Variants in LDAF1 observed in about 807,000 individuals in gnomAD.
LDAF1 encodes lipid droplet assembly factor 1, also known as PROMETHIN.
A neutral mutation model predicts 13.5 loss-of-function variants in LDAF1; 7 were observed. The observed-to-expected ratio is 0.52, with a 90% CI of 0.29 to 0.97. LDAF1 has a LOEUF of 0.97. Ranked by LOEUF, LDAF1 falls within the 50% of genes least tolerant of loss-of-function variation. The pLI, the probability that LDAF1 is intolerant of heterozygous loss-of-function variation, is 0.07. For synonymous variants in LDAF1, 69 were observed against 77.1 expected, an observed-to-expected ratio of 0.89 and a Z score of 0.55; for missense variants, 148 against 193.2, an observed-to-expected ratio of 0.77 and a Z score of 1.39.
In LDAF1 at chr16:21,179,470, G is replaced by A. The variant is rs143013789; in HGVS notation, c.405-5G>A. ...AGCTAACGATCTCTTCTTGTTATCC[G>A]ACAGGCCACTGACACAGCAAAACAC... On this transcript the variant is annotated splice_polypyrimidine_tract_variant and splice_region_variant and intron_variant, in intron 4 of 4. Transcript: ENST00000233047. 1.2e-3 allele frequency: 1,899 copies of A among 1,614,042 alleles called. 25 individuals carry two copies. The African/African-American group carries it at 0.018, about 15-fold the overall frequency.
At position 21,170,208 on chromosome 16, in the gene LDAF1, G is replaced by A. The variant is rs1261120250; in HGVS notation, c.97-229G>A. The stretch of plus-strand genomic sequence containing the variant: ...GTAGAGACGGGGGTTTCATCATGTT[G>A]GTCAGGCTGGTCTCAAGCTCCCAAC... On this transcript the variant is annotated intron_variant, in intron 2 of 4. Coordinates refer to ENST00000233047, the MANE Select transcript of LDAF1 (RefSeq NM_001301771.2). 3.1e-5 allele frequency: 17 copies of A among 553,572 alleles called. No individual in the cohort carries two copies. The African/African-American group carries it at 3.5e-4, about 11-fold the overall frequency. 34.3% of individuals were successfully genotyped at this position (553,572 alleles called of 1,614,324 possible). A position where few individuals can be genotyped will look rare whatever the true frequency, so the allele number is the denominator to read the frequency against.
Position 21,161,085 on chromosome 16 carries a change from C to G in LDAF1, c.-98C>G. The G allele has an allele frequency of 1.3e-6, 2 of 1,540,538 alleles. No homozygotes were observed. Among genetic ancestry groups the G allele is most frequent in the Non-Finnish European group, 1.7e-6 (2 of 1,148,830 alleles). ...CGGCTTTTGTTTCCTCTGGTAACAG[C>G]AAGAGACAGAGCGACATGAGAGATT... On this transcript the variant is annotated splice_region_variant and 5_prime_UTR_variant, in exon 2 of 5. Coordinates refer to ENST00000233047, the MANE Select transcript of LDAF1 (RefSeq NM_001301771.2).
intron 2 of LDAF1, among the ~76,000 whole-genome samples, chr16:21,170,075 T>C (rs1018821877): frequency 2.0e-5 from 3 of 152,066 alleles, no homozygotes; most frequent in African/African-American, 7.2e-5. Context: ...CAACCTTGGC[T>C]CACTGCAACC....
chr16:21,178,481 T>A (rs1054175613), intron 4 of LDAF1: 4 of 764,810 alleles, frequency 5.2e-6, no homozygotes, highest in Non-Finnish European at 6.4e-6. Context: ...AACTTTTTTT[T>A]ATTGCTTAAT....
intron 2 of LDAF1, among the ~76,000 whole-genome samples, chr16:21,168,971 T>TATATA: frequency 7.8e-6 from 1 of 128,662 alleles, no homozygotes; most frequent in East Asian, 2.2e-4. Flanking sequence ...TAATATATTA[T>TATATA]ATTATATATA....
intron 2 of LDAF1, among the ~76,000 whole-genome samples, chr16:21,161,729 G>C (rs2092976768): frequency 6.6e-6 from 1 of 152,150 alleles, no homozygotes; most frequent in Admixed American, 6.6e-5. Context: ...CTGAAAATGA[G>C]AGACAAAAGC....
At chr16:21,179,451 C>T (rs752874647) in intron 4 of LDAF1, 24 bp from the exon 5 acceptor site, 38 of 1,614,022 alleles carry the variant, frequency 2.4e-5, no homozygotes, top group African/African-American at 5.3e-5. Flanking sequence ...CTAGAGCTAA[C>T]GATCTCTTCT....
rs1172909702 is a variant in LDAF1 at position 21,167,017 on chromosome 16, A to G, written c.97-3420A>G. 4 of 1,059,930 alleles carry G rather than the reference A, an allele frequency of 3.8e-6. No individual in the cohort carries two copies. The Admixed American group carries it at 6.1e-5, about 16-fold the overall frequency. 65.7% of individuals were successfully genotyped at this position (1,059,930 alleles called of 1,614,324 possible). A position where few individuals can be genotyped will look rare whatever the true frequency, so the allele number is the denominator to read the frequency against. ...GCAGGAGGCAGTGAGGTCAGCGGGC[A>G]TTATGCCGTCCTGTGGCCTGGCAGG... On this transcript the variant is annotated intron_variant, in intron 2 of 4. Coordinates refer to ENST00000233047, the MANE Select transcript of LDAF1 (RefSeq NM_001301771.2).
At chr16:21,160,247 T>A (rs1193409865) in intron 1 of LDAF1, among the ~76,000 whole-genome samples, 2 of 149,446 alleles carry the variant, frequency 1.3e-5, no homozygotes, top group Non-Finnish European at 3.0e-5. Flanking sequence ...CTGGGAAATA[T>A]AAAATAAGAA....
At chr16:21,162,204 T>C (rs776511118) in intron 2 of LDAF1, among the ~76,000 whole-genome samples, 23 of 152,062 alleles carry the variant, frequency 1.5e-4, no homozygotes, top group Non-Finnish European at 2.9e-4. Context: ...ACCTAAGATA[T>C]CAAAAATATT....
chr16:21,178,948 C>A (rs143254087), intron 4 of LDAF1: 2 of 155,090 alleles, frequency 1.3e-5, no homozygotes, highest in African/African-American at 4.8e-5. Context: ...TCCATGAAAC[C>A]TCTTTTTCTT....
chr16:21,166,869 C>A, intron 2 of LDAF1: 1 of 1,535,738 alleles, frequency 6.5e-7, no homozygotes. Context: ...TCTCACTGGA[C>A]TCTGATGATG....
At chr16:21,159,500 C>A in intron 1 of LDAF1, 2 of 1,528,210 alleles carry the variant, frequency 1.3e-6, no homozygotes, top group Non-Finnish European at 1.8e-6. Flanking sequence ...AGCCGTTTTC[C>A]CCTGGAGGTT....
At chr16:21,159,633 C>T (rs899245272) in intron 1 of LDAF1, among the ~76,000 whole-genome samples, 1 of 152,262 alleles carries the variant, frequency 6.6e-6, no homozygotes, top group Non-Finnish European at 1.5e-5. Flanking sequence ...GCGCCGGGTT[C>T]TCGCTTTCCC....
chr16:21,160,217 ATC>A (rs2092954243), intron 1 of LDAF1, among the ~76,000 whole-genome samples: 1 of 152,092 alleles, frequency 6.6e-6, no homozygotes, highest in Admixed American at 6.6e-5. Flanking sequence ...TGGAAAAGAT[ATC>A]TCTGTGTCCA....
rs201247565 is a variant in LDAF1 at position 21,168,958 on chromosome 16, ATATAATATAT to A, written c.97-1474_97-1465del. On this transcript the variant is annotated intron_variant, in intron 2 of 4. Coordinates refer to ENST00000233047, the MANE Select transcript of LDAF1 (RefSeq NM_001301771.2). ...AATATTTATATTTATAGTATATATA[ATATAATATAT>A]TATATTATATATAATTATAAACATA... is the stretch of plus-strand genomic sequence containing the variant. Among the ~76,000 whole-genome samples the A allele has an allele frequency of 8.5e-4, 102 of 119,340 alleles. 1 individual carries two copies. The East Asian group carries it at 0.022, about 26-fold the overall frequency. The allele number at this position is 119,340 out of a possible 152,430, so 78.3% of individuals were successfully genotyped here.
rs1390604478 is a variant in LDAF1, at chr16:21,161,261, T to G, written c.79T>G (p.Phe27Val). The G allele has an allele frequency of 1.2e-6, 2 of 1,614,184 alleles. No homozygotes were observed. The highest frequency in any genetic ancestry group is 3.3e-5 in the Admixed American group (2 of 60,024). The change falls in exon 2 of 5, where the codon TTC becomes GTC. Residue 27 changes from phenylalanine (F) to valine (V), a missense_variant. Transcript: ENST00000233047. ...QKKLSLLIDS[F>V]QNNSKVVAFM... is the part of the protein sequence containing the mutation. Reference sequence around the variant, plus strand: ...GAAGCTGTCTCTGCTGATAGACTCCTTCCAGAATAACTCAAAGGTCAGTTT... The same window carrying G: ...GAAGCTGTCTCTGCTGATAGACTCCGTCCAGAATAACTCAAAGGTCAGTTT...
chr16:21,179,588 G>A lies in LDAF1; in HGVS notation c.*32G>A, dbSNP rs1196738305. 6.3e-7 allele frequency: 1 copy of A among 1,590,158 alleles called. No homozygotes were observed. The highest frequency in any genetic ancestry group is 2.2e-5 in the East Asian group (1 of 44,730). ...GCTCAGAGGCCGGGCTTCTTTTCAA[G>A]TACTGCTGGATCATACTCACCCCTT... On this transcript the variant is annotated 3_prime_UTR_variant, in exon 5 of 5. Transcript: ENST00000233047.
At chr16:21,171,833 G>A (rs908176420) in intron 3 of LDAF1, among the ~76,000 whole-genome samples, 26 of 151,878 alleles carry the variant, frequency 1.7e-4, no homozygotes, top group Non-Finnish European at 3.2e-4. Context: ...TGCCACCCAG[G>A]TTCAAGAAAT....
Sources: gnomAD v4.1 joint callset for allele counts (sites outside exome capture counted in the v4.1 genomes callset) on GRCh38, gnomAD v4.1.1 for gene constraint, MANE v1.5 for transcripts, NCBI Gene and HGNC (gene_info 2026-07-23, HGNC 2026-07-21) for gene names.